Variants in CAMKK1 observed in about 807,000 individuals in gnomAD.
CAMKK1 encodes the protein calcium/calmodulin-dependent protein kinase kinase 1.
CAMKK1 carries 20 observed loss-of-function variants against 63.5 expected under a neutral mutation model. The observed-to-expected ratio is 0.32, with a 90% CI of 0.22 to 0.46. CAMKK1 has a LOEUF of 0.46. Among genes scored for constraint, CAMKK1 ranks in the 20% least tolerant of loss-of-function variants. The probability of loss-of-function intolerance (pLI) is 1.00; values close to 1 mark genes in which losing one functional copy is unlikely to be tolerated. For missense variants in CAMKK1, 588 were observed against 658.1 expected, an observed-to-expected ratio of 0.89 and a Z score of 1.17; for synonymous variants, 253 against 269.0, an observed-to-expected ratio of 0.94 and a Z score of 0.58.
At position 3,882,607 on chromosome 17, in the gene CAMKK1, G is replaced by C; in HGVS notation, c.649-43C>G. On this transcript the variant is annotated intron_variant, in intron 6 of 15. Coordinates refer to ENST00000348335, the MANE Select transcript of CAMKK1 (RefSeq NM_032294.3). This position sits in a 1 kb window ranked among gnomAD's most constrained non-coding sequence, Gnocchi z 4.3. ...ACATGGGGGTGGGGCTTGAGGAGGC[G>C]TGGGGTTGGAGGTCCCAGGCCTCCT... 1 of 1,564,298 alleles carries C rather than the reference G, an allele frequency of 6.4e-7. No individual in the cohort carries two copies. Among genetic ancestry groups the C allele is most frequent in the Non-Finnish European group, 8.7e-7 (1 of 1,151,866 alleles).
intron 1 of CAMKK1, among the ~76,000 whole-genome samples, chr17:3,888,882 T>C (rs776911346): frequency 2.7e-4 from 41 of 151,886 alleles, no homozygotes; most frequent in Non-Finnish European, 5.6e-4. Flanking sequence ...GGAGGGAATA[T>C]GTGTGCGCAG....
At chr17:3,888,652 G>A (rs1259288849) in intron 1 of CAMKK1, among the ~76,000 whole-genome samples, 6 of 152,228 alleles carry the variant, frequency 3.9e-5, no homozygotes, top group Non-Finnish European at 7.3e-5. Context: ...GTGATTGCTC[G>A]GGACACGCTG....
At chr17:3,869,404 C>A in intron 14 of CAMKK1, 83 bp downstream of exon 14, 3 of 1,561,056 alleles carry the variant, frequency 1.9e-6, no homozygotes, top group Non-Finnish European at 2.6e-6. Context: ...AGGCCTCTGT[C>A]CCCCCAAGGA....
In CAMKK1 at chr17:3,868,084, CGTGGGCTCTGGGGGAGAA is replaced by C. The variant is rs2054626167; in HGVS notation, c.1341+1385_1341+1402del. Among the ~76,000 whole-genome samples, 2 of 91,368 alleles carry C rather than the reference CGTGGGCTCTGGGGGAGAA, an allele frequency of 2.2e-5. 1 individual carries two copies. Among genetic ancestry groups the C allele is most frequent in the Non-Finnish European group, 4.2e-5 (2 of 47,524 alleles). 59.9% of individuals were successfully genotyped at this position (91,368 alleles called of 152,430 possible). ...AGAAGCAGGCGCAGTCTAACTGATA[CGTGGGCTCTGGGGGAGAA>C]GCAGGCGCCGTCTAACTGATACGTG... On this transcript the variant is annotated intron_variant, in intron 14 of 15. Transcript: ENST00000348335.
chr17:3,890,184 C>T lies in CAMKK1; in HGVS notation c.-44+2755G>A, dbSNP rs2055838431. 6.6e-6 allele frequency among the ~76,000 whole-genome samples: 1 copy of T among 152,176 alleles called. No individual in the cohort carries two copies. On this transcript the variant is annotated intron_variant, in intron 1 of 15. Coordinates refer to ENST00000348335, the MANE Select transcript of CAMKK1 (RefSeq NM_032294.3). The surrounding 1 kb of genome is among the most constrained non-coding windows in gnomAD (Gnocchi z 6.5). The stretch of plus-strand genomic sequence containing the variant: ...ATCTGGATGGCCCTGGCAACGGGTG[C>T]CCTCCGCAGCTCCCGCCCCCACCCG...
intron 15 of CAMKK1, among the ~76,000 whole-genome samples, chr17:3,864,701 C>T (rs2054449927): frequency 1.3e-5 from 2 of 152,270 alleles, no homozygotes; most frequent in Admixed American, 6.5e-5. Context: ...CTCCCCCAAC[C>T]GCAACCACCT....
intron 12 of CAMKK1, 56 bp from the exon 13 acceptor site, chr17:3,869,944 T>A (rs1290844396): frequency 1.4e-6 from 2 of 1,388,618 alleles, no homozygotes; most frequent in African/African-American, 2.8e-5. Flanking sequence ...GACCCCTTCC[T>A]GTCCACCTCT....
At chr17:3,866,401 G>A (rs932120860) in intron 14 of CAMKK1, among the ~76,000 whole-genome samples, 3 of 152,268 alleles carry the variant, frequency 2.0e-5, no homozygotes, top group Admixed American at 1.3e-4. Context: ...ATGCCAAGAT[G>A]CTACTGCAGG....
chr17:3,884,251 C>G lies in CAMKK1; in HGVS notation c.408+129G>C. On this transcript the variant is annotated intron_variant, in intron 3 of 15. Coordinates refer to ENST00000348335, the MANE Select transcript of CAMKK1 (RefSeq NM_032294.3). The surrounding 1 kb of genome is among the most constrained non-coding windows in gnomAD (Gnocchi z 4.5). ...GTACCTGGGTACTTCCCACAGGGCACGAAACTGTCCTCACCTCCAGGCTAG... is the reference window on the plus strand; with the variant it reads ...GTACCTGGGTACTTCCCACAGGGCAGGAAACTGTCCTCACCTCCAGGCTAG... 9.8e-7 allele frequency: 1 copy of G among 1,023,954 alleles called. No individual in the cohort carries two copies. The highest frequency in any genetic ancestry group is 1.5e-6 in the Non-Finnish European group (1 of 669,306). The allele number at this position is 1,023,954 out of a possible 1,614,324, so 63.4% of individuals were successfully genotyped here.
chr17:3,871,926 G>C lies in CAMKK1; in HGVS notation c.1124+628C>G, dbSNP rs570078003. Among the ~76,000 whole-genome samples the C allele has an allele frequency of 1.2e-4, 18 of 152,294 alleles. 1 individual carries two copies. The East Asian group carries it at 2.9e-3, about 25-fold the overall frequency. On this transcript the variant is annotated intron_variant, in intron 12 of 15. Transcript: ENST00000348335. ...CTCCCAAAGTGCTGGGATTACAGGC[G>C]TGAGCCACCGCACCCGGCCTCCATT...
Position 3,883,508 on chromosome 17 carries a change from T to C in CAMKK1, c.463-28A>G, listed in dbSNP as rs737360. Reference sequence around the variant, plus strand: ...AAGGAAGGAGGGACAGAAATGTCACTACTGTGCAGCCACCAGGGGCTAGAA... The same window carrying C: ...AAGGAAGGAGGGACAGAAATGTCACCACTGTGCAGCCACCAGGGGCTAGAA... On this transcript the variant is annotated intron_variant, in intron 4 of 15. Coordinates refer to ENST00000348335, the MANE Select transcript of CAMKK1 (RefSeq NM_032294.3). This position sits in a 1 kb window ranked among gnomAD's most constrained non-coding sequence, Gnocchi z 4.7. 408,506 of 1,589,866 alleles carry C rather than the reference T, an allele frequency of 0.26. 56,946 individuals carry two copies. The highest frequency in any genetic ancestry group is 0.29 in the Non-Finnish European group (332,322 of 1,158,154).
intron 14 of CAMKK1, among the ~76,000 whole-genome samples, chr17:3,866,731 T>C (rs981396667): frequency 2.6e-5 from 4 of 152,098 alleles, no homozygotes; most frequent in African/African-American, 4.8e-5. Context: ...GCCTTTTTTT[T>C]TTTTCAGACG....
chr17:3,864,094 A>C (rs1459235623), intron 15 of CAMKK1, among the ~76,000 whole-genome samples: 1 of 150,364 alleles, frequency 6.7e-6, no homozygotes, highest in Non-Finnish European at 1.5e-5. Flanking sequence ...CTGGGACTAC[A>C]GGCACCCACC....
At chr17:3,870,970 T>C (rs1597453599) in intron 12 of CAMKK1, among the ~76,000 whole-genome samples, 1 of 151,870 alleles carries the variant, frequency 6.6e-6, no homozygotes, top group Admixed American at 6.6e-5. Flanking sequence ...GACGAGCGGG[T>C]GGCAGAACCC....
At chr17:3,866,457 G>A (rs1000693250) in intron 14 of CAMKK1, among the ~76,000 whole-genome samples, 4 of 152,250 alleles carry the variant, frequency 2.6e-5, no homozygotes, top group African/African-American at 9.6e-5. Flanking sequence ...CCAGTCAGTG[G>A]GGCTGCCAGG....
At chr17:3,872,965 C>T (rs1160294971) in intron 11 of CAMKK1, among the ~76,000 whole-genome samples, 1 of 152,212 alleles carries the variant, frequency 6.6e-6, no homozygotes, top group East Asian at 1.9e-4. Flanking sequence ...AAATTCCCCC[C>T]TGCCCCTTAG....
intron 14 of CAMKK1, among the ~76,000 whole-genome samples, chr17:3,866,417 CCGGGAAG>C (rs1393023156): frequency 6.6e-6 from 1 of 152,250 alleles, no homozygotes; most frequent in East Asian, 1.9e-4. Context: ...GCAGGGCGGC[CCGGGAAG>C]CGGCTGAGCC....
chr17:3,876,757 GT>G (rs59503016), intron 9 of CAMKK1, among the ~76,000 whole-genome samples: 2,497 of 101,200 alleles, frequency 0.025, 33 homozygotes, highest in African/African-American at 0.13. Flanking sequence ...TTTTTTTTTG[GT>G]TTTTTTTTTT....
Position 3,872,541 on chromosome 17 carries a change from G to A in CAMKK1, c.1124+13C>T, listed in dbSNP as rs751074202. ...GGTGGTAGCCCCCTTGTTCCCCTGGGTGGACAACTCACTCCTCAGGAAACA... is the reference window on the plus strand; with the variant it reads ...GGTGGTAGCCCCCTTGTTCCCCTGGATGGACAACTCACTCCTCAGGAAACA... On this transcript the variant is annotated intron_variant, in intron 12 of 15. Coordinates refer to ENST00000348335, the MANE Select transcript of CAMKK1 (RefSeq NM_032294.3). 5 of 1,611,294 alleles carry A rather than the reference G, an allele frequency of 3.1e-6. No homozygotes were observed. The highest frequency in any genetic ancestry group is 4.5e-5 in the East Asian group (2 of 44,866).
Sources: allele counts gnomAD v4.1 joint callset (sites outside exome capture counted in the v4.1 genomes callset), GRCh38; gene constraint gnomAD v4.1.1; non-coding constraint Gnocchi (gnomAD v3.1); transcripts MANE v1.5; gene names NCBI Gene and HGNC (gene_info 2026-07-23, HGNC 2026-07-21).